The following OR5V1 variants were observed in gnomAD, a reference collection of about 807,000 sequenced individuals.
OR5V1 encodes olfactory receptor 5V1.
For missense variants in OR5V1, 365 were observed against 371.5 expected, an observed-to-expected ratio of 0.98 and a Z score of 0.14; for synonymous variants, 134 against 143.2, an observed-to-expected ratio of 0.94 and a Z score of 0.46.
rs1778301021 is a variant in OR5V1 at position 29,356,209 on chromosome 6, T to G, written c.-14A>C. 1.3e-6 allele frequency: 2 copies of G among 1,546,214 alleles called. No individual in the cohort carries two copies. Among genetic ancestry groups the G allele is most frequent in the Admixed American group, 2.1e-5 (1 of 47,606 alleles). ...CTTTCTTTCCATGATGTCGCCTGGT[T>G]TCCTTTCAGGAATTGGGCAAAGAGA... On this transcript the variant is annotated 5_prime_UTR_variant, in exon 2 of 2. Coordinates refer to ENST00000641768, the MANE Select transcript of OR5V1 (RefSeq NM_030876.6).
chr6:29,362,681 C>G (rs911826123), intron 1 of OR5V1, among the ~76,000 whole-genome samples: 4 of 152,124 alleles, frequency 2.6e-5, no homozygotes, highest in African/African-American at 9.7e-5. Context: ...ACATTAACAA[C>G]CTGCTCCTGA....
intron 1 of OR5V1, among the ~76,000 whole-genome samples, chr6:29,364,916 A>G (rs13194590): frequency 6.6e-6 from 1 of 151,968 alleles, no homozygotes; most frequent in Non-Finnish European, 1.5e-5. Flanking sequence ...CAAAACTGAT[A>G]TATAGACCAA....
chr6:29,356,327 T>C (rs1204727932), intron 1 of OR5V1, 50 bp from the exon 2 acceptor site: 10 of 1,048,222 alleles, frequency 9.5e-6, no homozygotes, highest in Non-Finnish European at 1.3e-5. Context: ...TCACCATTTA[T>C]GTCAAACCAG....
rs1778270300 is a variant in OR5V1 at position 29,355,906 on chromosome 6, C to T, written c.290G>A (p.Cys97Tyr). The T allele has an allele frequency of 6.2e-7, 1 of 1,614,080 alleles. No individual in the cohort carries two copies. Among genetic ancestry groups the T allele is most frequent in the Non-Finnish European group, 8.5e-7 (1 of 1,179,974 alleles). The change falls in exon 2 of 2, where the codon TGT becomes TAT. Residue 97 changes from cysteine (C) to tyrosine (Y), a missense_variant. Coordinates refer to ENST00000641768, the MANE Select transcript of OR5V1 (RefSeq NM_030876.6). Reference protein sequence around the residue: ...SKKKSISYVGCVVQLFAFVFF... With the variant: ...SKKKSISYVGYVVQLFAFVFF... ...AACAAATGCAAAAAGTTGAACCACACACCCCACATAAGAAATGCTTTTTTT... is the reference window on the plus strand; with the variant it reads ...AACAAATGCAAAAAGTTGAACCACATACCCCACATAAGAAATGCTTTTTTT...
Position 29,354,299 on chromosome 6 carries a change from C to T in OR5V1, c.*931G>A. ...CTGTATTTATTTCTCTCTTCCACCA[C>T]TTAGTCTTCCTTCCCATTTGTCTTG... On this transcript the variant is annotated 3_prime_UTR_variant, in exon 2 of 2. Coordinates refer to ENST00000641768, the MANE Select transcript of OR5V1 (RefSeq NM_030876.6). 6.6e-6 allele frequency: 1 copy of T among 152,072 alleles called. No homozygotes were observed. The highest frequency in any genetic ancestry group is 1.9e-4 in the East Asian group (1 of 5,190). The allele number at this position is 152,072 out of a possible 1,614,324, so 9.4% of individuals were successfully genotyped here.
chr6:29,362,585 GTC>G (rs1778619565), intron 1 of OR5V1, among the ~76,000 whole-genome samples: 1 of 152,100 alleles, frequency 6.6e-6, no homozygotes, highest in Non-Finnish European at 1.5e-5. Context: ...AAAACAAACA[GTC>G]TCTCAGACCA....
chr6:29,360,530 G>T (rs1274807196), intron 1 of OR5V1, among the ~76,000 whole-genome samples: 1 of 152,188 alleles, frequency 6.6e-6, no homozygotes, highest in African/African-American at 2.4e-5. Context: ...ATAGAGGAGA[G>T]TCCAGCTGGC....
intron 1 of OR5V1, among the ~76,000 whole-genome samples, chr6:29,357,810 A>G (rs1041018858): frequency 2.0e-5 from 3 of 152,184 alleles, no homozygotes; most frequent in African/African-American, 7.2e-5. Flanking sequence ...AGAATCCCCT[A>G]ATTTAAAATG....
chr6:29,360,796 T>C (rs1317407803), intron 1 of OR5V1, among the ~76,000 whole-genome samples: 1 of 152,078 alleles, frequency 6.6e-6, no homozygotes, highest in Non-Finnish European at 1.5e-5. Context: ...AGATCAAAGG[T>C]AGATAAATCC....
intron 1 of OR5V1, among the ~76,000 whole-genome samples, chr6:29,368,370 G>A (rs9295804): frequency 0.36 from 55,117 of 151,914 alleles, 12,295 homozygotes; most frequent in Non-Finnish European, 0.49. Context: ...ATAAAAAATC[G>A]GCAAACCAGC....
At position 29,364,626 on chromosome 6, in the gene OR5V1, G is replaced by A. The variant is rs1304372151; in HGVS notation, c.-83+4006C>T. On this transcript the variant is annotated intron_variant, in intron 1 of 1. Transcript: ENST00000641768. Reference sequence around the variant, plus strand: ...ATCCCGGCTAAAACGGTGAAACCCCGTCTCTACTAAAAATACAAAAAATTA... The same window carrying A: ...ATCCCGGCTAAAACGGTGAAACCCCATCTCTACTAAAAATACAAAAAATTA... Among the ~76,000 whole-genome samples, 240 of 61,288 alleles carry A rather than the reference G, an allele frequency of 3.9e-3. 62 individuals carry two copies. The highest frequency in any genetic ancestry group is 0.01 in the African/African-American group (224 of 21,648). 40.2% of individuals were successfully genotyped at this position (61,288 alleles called of 152,430 possible). A position where few individuals can be genotyped will look rare whatever the true frequency, so the allele number is the denominator to read the frequency against.
intron 1 of OR5V1, among the ~76,000 whole-genome samples, chr6:29,362,815 T>G (rs1228552652): frequency 6.6e-6 from 1 of 152,108 alleles, no homozygotes; most frequent in Non-Finnish European, 1.5e-5. Context: ...AGAGAAAAAT[T>G]TAGAGCACTA....
chr6:29,364,426 C>T (rs1048835019), intron 1 of OR5V1, among the ~76,000 whole-genome samples: 5 of 150,676 alleles, frequency 3.3e-5, no homozygotes, highest in African/African-American at 1.2e-4. Flanking sequence ...ATTTTCTTCT[C>T]AGAACTAGAA....
intron 1 of OR5V1, among the ~76,000 whole-genome samples, chr6:29,356,677 A>C (rs141081159): frequency 1.3e-5 from 2 of 152,214 alleles, no homozygotes; most frequent in Non-Finnish European, 2.9e-5. Context: ...TCCGATTAAA[A>C]TTAATGTATT....
chr6:29,364,345 A>G (rs1391598136), intron 1 of OR5V1, among the ~76,000 whole-genome samples: 3 of 152,132 alleles, frequency 2.0e-5, no homozygotes, highest in Non-Finnish European at 4.4e-5. Flanking sequence ...CGAAGAATCA[A>G]TACTGTGTAA....
intron 1 of OR5V1, among the ~76,000 whole-genome samples, chr6:29,362,238 C>G (rs1358581402): frequency 1.3e-5 from 2 of 152,148 alleles, no homozygotes; most frequent in Admixed American, 6.5e-5. Flanking sequence ...GAAGAGCTAA[C>G]TATCCTAAAT....
At chr6:29,361,563 A>G in intron 1 of OR5V1, among the ~76,000 whole-genome samples, 1 of 152,210 alleles carries the variant, frequency 6.6e-6, no homozygotes, top group East Asian at 1.9e-4. Context: ...AGGGAAGCCC[A>G]TCAGACTAAC....
At position 29,355,587 on chromosome 6, in the gene OR5V1, C is replaced by A. The variant is rs369984958; in HGVS notation, c.609G>T (p.Gly203=). The part of the protein sequence containing the change: ...SVNELALLST[G]VFIGWTPFLC... ...GGAAAGGAGTCCAACCAATGAAGAC[C>A]CCAGTGGATAGCAGTGCCAACTCAT... The change falls in exon 2 of 2, where the codon GGG becomes GGT. Residue 203 remains glycine (G), a synonymous_variant. Coordinates refer to ENST00000641768, the MANE Select transcript of OR5V1 (RefSeq NM_030876.6). 2.5e-6 allele frequency: 4 copies of A among 1,613,744 alleles called. No homozygotes were observed. The African/African-American group carries it at 5.3e-5, about 22-fold the overall frequency.
In OR5V1 at chr6:29,354,230, G is replaced by C. The variant is rs1778147314; in HGVS notation, c.*1000C>G. ...TGTATGTTATTTATTTTCCCTTCTTGGTATCTCTAAGTCTCTTTATCTTTT... is the reference window on the plus strand; with the variant it reads ...TGTATGTTATTTATTTTCCCTTCTTCGTATCTCTAAGTCTCTTTATCTTTT... On this transcript the variant is annotated 3_prime_UTR_variant, in exon 2 of 2. Coordinates refer to ENST00000641768, the MANE Select transcript of OR5V1 (RefSeq NM_030876.6). 1 of 151,568 alleles carries C rather than the reference G, an allele frequency of 6.6e-6. No individual in the cohort carries two copies. The allele number at this position is 151,568 out of a possible 1,614,324, so 9.4% of individuals were successfully genotyped here. A position where few individuals can be genotyped will look rare whatever the true frequency, so the allele number is the denominator to read the frequency against.
Sources: allele counts gnomAD v4.1 joint callset (sites outside exome capture counted in the v4.1 genomes callset), GRCh38; gene constraint gnomAD v4.1.1; transcripts MANE v1.5; gene names NCBI Gene and HGNC (gene_info 2026-07-23, HGNC 2026-07-21).